The following PLEKHF1 variants were observed in gnomAD, a reference collection of about 807,000 sequenced individuals.
PLEKHF1 encodes pleckstrin homology domain-containing family F member 1.
Under a neutral mutation model 4.1 loss-of-function variants are expected in PLEKHF1, and 1 was observed. The ratio of observed to expected loss-of-function variants is 0.24; its 90% CI spans 0.09 to 1.15. The LOEUF (loss-of-function observed/expected upper bound fraction) is 1.15, where lower values mean the gene tolerates loss of function less well. Ranked by LOEUF, PLEKHF1 falls within the 50% of genes most tolerant of loss-of-function variation. The pLI is 0.52. For missense variants in PLEKHF1, 429 were observed against 400.6 expected (o/e 1.07, Z -0.60); for synonymous variants, 182 against 178.5 (o/e 1.02, Z -0.16).
At chr19:29,673,265 C>T (rs1971650701) in intron 1 of PLEKHF1, among the ~76,000 whole-genome samples, 1 of 152,064 alleles carries the variant, frequency 6.6e-6, no homozygotes, top group Non-Finnish European at 1.5e-5. Flanking sequence ...GTAGAGACAC[C>T]CAGGTCTCCT....
Position 29,674,793 on chromosome 19 carries a change from A to G in PLEKHF1, c.*114A>G. ...GACCCCATCCCATGGTGGCAGGTGC[A>G]GCGGTGGGGAGTGGCTCTTTCTGGA... On this transcript the variant is annotated 3_prime_UTR_variant, in exon 2 of 2. Coordinates refer to ENST00000436066, the MANE Select transcript of PLEKHF1 (RefSeq NM_024310.5). 7.0e-7 allele frequency: 1 copy of G among 1,426,090 alleles called. No individual in the cohort carries two copies. Among genetic ancestry groups the G allele is most frequent in the Non-Finnish European group, 9.3e-7 (1 of 1,077,308 alleles). The allele number at this position is 1,426,090 out of a possible 1,614,324, so 88.3% of individuals were successfully genotyped here. A position where few individuals can be genotyped will look rare whatever the true frequency, so the allele number is the denominator to read the frequency against.
chr19:29,671,732 C>T lies in PLEKHF1; in HGVS notation c.-16-2092C>T, dbSNP rs1295852360. 1.3e-5 allele frequency among the ~76,000 whole-genome samples: 2 copies of T among 152,114 alleles called. No homozygotes were observed. The highest frequency in any genetic ancestry group is 2.9e-5 in the Non-Finnish European group (2 of 68,014). On this transcript the variant is annotated intron_variant, in intron 1 of 1. Transcript: ENST00000436066. This position sits in a 1 kb window ranked among gnomAD's most constrained non-coding sequence, Gnocchi z 4.0. The stretch of plus-strand genomic sequence containing the variant: ...GGCAAGTGGAACGGGACTCGAGGGC[C>T]CAGCATCTTCTGTTCTGCAATGCAT...
chr19:29,665,712 G>T (rs1215522633), intron 1 of PLEKHF1: 2 of 1,105,564 alleles, frequency 1.8e-6, no homozygotes, highest in Admixed American at 5.6e-5. Flanking sequence ...GGGTGAACCT[G>T]CAGGGAGCCT....
intron 1 of PLEKHF1, among the ~76,000 whole-genome samples, chr19:29,673,166 T>G (rs1971649790): frequency 6.6e-6 from 1 of 152,124 alleles, no homozygotes; most frequent in African/African-American, 2.4e-5. Flanking sequence ...ATGGTGGTGG[T>G]GACTGCTGCA....
chr19:29,666,130 C>G (rs563752202), intron 1 of PLEKHF1, among the ~76,000 whole-genome samples: 1 of 152,146 alleles, frequency 6.6e-6, no homozygotes, highest in Non-Finnish European at 1.5e-5. Context: ...CTCGTTTCCC[C>G]AACACCTGGC....
rs76007156 is a variant in PLEKHF1 at position 29,671,606 on chromosome 19, C to G, written c.-16-2218C>G. 4.9e-3 allele frequency among the ~76,000 whole-genome samples: 742 copies of G among 152,212 alleles called. 7 individuals are homozygous for G. The highest frequency in any genetic ancestry group is 0.017 in the African/African-American group (710 of 41,530). ...AGGTCAGTTCTGTCACTGGTAATCC[C>G]CTAGGTTTGCAGTATACAGCCAAGA... On this transcript the variant is annotated intron_variant, in intron 1 of 1. Transcript: ENST00000436066. The surrounding 1 kb of genome is among the most constrained non-coding windows in gnomAD (Gnocchi z 4.0).
At chr19:29,666,596 G>A (rs1043301867) in intron 1 of PLEKHF1, among the ~76,000 whole-genome samples, 10 of 152,162 alleles carry the variant, frequency 6.6e-5, no homozygotes, top group Non-Finnish European at 1.5e-4. Context: ...CATTTGGAGC[G>A]CAGGCAACAC....
chr19:29,668,095 A>G (rs763447458), intron 1 of PLEKHF1, among the ~76,000 whole-genome samples: 1 of 152,092 alleles, frequency 6.6e-6, no homozygotes, highest in Non-Finnish European at 1.5e-5. Flanking sequence ...CAGTGCTCAC[A>G]TGAGCACCTC....
intron 1 of PLEKHF1, among the ~76,000 whole-genome samples, chr19:29,673,378 C>T (rs1418454283): frequency 3.4e-5 from 5 of 145,644 alleles, no homozygotes; most frequent in African/African-American, 1.3e-4. Flanking sequence ...CAGTAGTAGC[C>T]GGCTCAGTAG....
intron 1 of PLEKHF1, among the ~76,000 whole-genome samples, chr19:29,670,800 C>T (rs1971623086): frequency 6.6e-6 from 1 of 152,070 alleles, no homozygotes; most frequent in Admixed American, 6.5e-5. Context: ...GCCTCAGCCT[C>T]CCGAGTAGCT....
Position 29,674,404 on chromosome 19 carries a change from C to T in PLEKHF1, c.565C>T (p.Gln189Ter), listed in dbSNP as rs1362645525. The T allele has an allele frequency of 1.3e-6, 2 of 1,530,632 alleles. No homozygotes were observed. The highest frequency in any genetic ancestry group is 2.7e-5 in the African/African-American group (2 of 72,846). The allele number at this position is 1,530,632 out of a possible 1,614,324, so 94.8% of individuals were successfully genotyped here. ...CGTGGTCTGCGCTGAGTGCTCGCGC[C>T]AGCGCTTCCTGCTCCCGCGCCTGTC... is the stretch of plus-strand genomic sequence containing the variant. ...GFVVCAECSR[Q>*]RFLLPRLSPK... The change falls in exon 2 of 2, where the codon CAG becomes TAG. Residue 189 changes from glutamine (Q) to a stop codon, truncating the protein, a stop_gained. Coordinates refer to ENST00000436066, the MANE Select transcript of PLEKHF1 (RefSeq NM_024310.5). LOFTEE classifies it low-confidence loss of function (END_TRUNC).
In PLEKHF1 at chr19:29,674,374, G is replaced by C. The variant is rs1277409117; in HGVS notation, c.535G>C (p.Gly179Arg). The C allele has an allele frequency of 6.5e-7, 1 of 1,537,716 alleles. No individual in the cohort carries two copies. The highest frequency in any genetic ancestry group is 8.7e-7 in the Non-Finnish European group (1 of 1,146,336). The change falls in exon 2 of 2, where the codon GGC becomes CGC. Residue 179 changes from glycine (G) to arginine (R), a missense_variant. Coordinates refer to ENST00000436066, the MANE Select transcript of PLEKHF1 (RefSeq NM_024310.5). ...LTRRHHCRKCGFVVCAECSRQ... is the reference protein window; with the variant it reads ...LTRRHHCRKCRFVVCAECSRQ... ...GAGGCGCCACCACTGCCGCAAGTGC[G>C]GCTTCGTGGTCTGCGCTGAGTGCTC...
chr19:29,671,288 T>C lies in PLEKHF1; in HGVS notation c.-16-2536T>C. On this transcript the variant is annotated intron_variant, in intron 1 of 1. Coordinates refer to ENST00000436066, the MANE Select transcript of PLEKHF1 (RefSeq NM_024310.5). The surrounding 1 kb of genome is among the most constrained non-coding windows in gnomAD (Gnocchi z 4.0). ...CCTTCCTCCTACCTATTTTTATTCATAGATATAGTTCTTGAACACTTTCAG... is the reference window on the plus strand; with the variant it reads ...CCTTCCTCCTACCTATTTTTATTCACAGATATAGTTCTTGAACACTTTCAG... Among the ~76,000 whole-genome samples, 1 of 152,206 alleles carries C rather than the reference T, an allele frequency of 6.6e-6. No individual in the cohort carries two copies.
intron 1 of PLEKHF1, among the ~76,000 whole-genome samples, chr19:29,670,701 G>A (rs541532937): frequency 1.3e-5 from 2 of 150,740 alleles, no homozygotes; most frequent in South Asian, 2.1e-4. Context: ...TTTTTGAGAC[G>A]GAGTCTCACT....
At position 29,674,235 on chromosome 19, in the gene PLEKHF1, G is replaced by A; in HGVS notation, c.396G>A (p.Arg132=). The A allele has an allele frequency of 1.2e-6, 2 of 1,610,642 alleles. No individual in the cohort carries two copies. Among genetic ancestry groups the A allele is most frequent in the Non-Finnish European group, 1.7e-6 (2 of 1,179,566 alleles). Residue 132 remains arginine, a synonymous_variant, in exon 2 of 2, where the codon CGG becomes CGA. Coordinates refer to ENST00000436066, the MANE Select transcript of PLEKHF1 (RefSeq NM_024310.5). ...WISHIEECVR[R]QLRATGRPPS... ...GCCACATCGAGGAGTGCGTGCGGCG[G>A]CAACTGAGGGCCACGGGCCGCCCGC...
At chr19:29,670,123 G>T (rs1386367488) in intron 1 of PLEKHF1, among the ~76,000 whole-genome samples, 1 of 152,042 alleles carries the variant, frequency 6.6e-6, no homozygotes, top group East Asian at 1.9e-4. Context: ...GTAGAGACAG[G>T]GTTTCACCAT....
At position 29,674,110 on chromosome 19, in the gene PLEKHF1, C is replaced by A. The variant is rs762349041; in HGVS notation, c.271C>A (p.Pro91Thr). 1 of 1,613,954 alleles carries A rather than the reference C, an allele frequency of 6.2e-7. No homozygotes were observed. The highest frequency in any genetic ancestry group is 8.5e-7 in the Non-Finnish European group (1 of 1,180,010). Residue 91 changes from proline to threonine, a missense_variant, in exon 2 of 2, where the codon CCG becomes ACG. Coordinates refer to ENST00000436066, the MANE Select transcript of PLEKHF1 (RefSeq NM_024310.5). ...PLEEVTLELL[P>T]ETLQAKNRWM... ...GGAGGAGGTCACACTGGAGCTGTTG[C>A]CGGAGACGCTGCAGGCCAAGAACCG...
rs769512971 is a variant in PLEKHF1, at chr19:29,674,509, G to A, written c.670G>A (p.Gly224Ser). The part of the protein sequence containing the change: ...QQRQEEAEEQ[G>S]AGSPGQPAHL... The stretch of plus-strand genomic sequence containing the variant: ...GCGGCAGGAGGAGGCGGAGGAGCAG[G>A]GCGCGGGGTCCCCAGGGCAGCCAGC... The change falls in exon 2 of 2, where the codon GGC becomes AGC. Residue 224 changes from glycine (G) to serine (S), a missense_variant. Gly to Ser is a moderately conservative substitution (Grantham distance 56, BLOSUM62 0). Coordinates refer to ENST00000436066, the MANE Select transcript of PLEKHF1 (RefSeq NM_024310.5). The A allele has an allele frequency of 1.3e-6, 2 of 1,558,710 alleles. No individual in the cohort carries two copies. Among genetic ancestry groups the A allele is most frequent in the Non-Finnish European group, 1.7e-6 (2 of 1,154,598 alleles).
At position 29,665,523 on chromosome 19, in the gene PLEKHF1, C is replaced by A. The variant is rs1316621127; in HGVS notation, c.-17+18C>A. 3.2e-6 allele frequency: 4 copies of A among 1,241,282 alleles called. No homozygotes were observed. Among genetic ancestry groups the A allele is most frequent in the Non-Finnish European group, 4.1e-6 (4 of 964,278 alleles). The allele number at this position is 1,241,282 out of a possible 1,614,324, so 76.9% of individuals were successfully genotyped here. ...CGCAGAAGGTGAGTCCCCCCACCGT[C>A]CCCCGGCCGGGCTGCGGGTCGCGGG... On this transcript the variant is annotated intron_variant, in intron 1 of 1. Coordinates refer to ENST00000436066, the MANE Select transcript of PLEKHF1 (RefSeq NM_024310.5).
Sources: allele counts gnomAD v4.1 joint callset (sites outside exome capture counted in the v4.1 genomes callset), GRCh38; gene constraint gnomAD v4.1.1; non-coding constraint Gnocchi (gnomAD v3.1); transcripts MANE v1.5; gene names NCBI Gene and HGNC (gene_info 2026-07-23, HGNC 2026-07-21).